The following MAP3K7 variants were observed in gnomAD, a reference collection of about 807,000 sequenced individuals.
MAP3K7 encodes the protein mitogen-activated protein kinase kinase kinase 7, also known as TGF-beta activated kinase 1.
Under a neutral mutation model 84.8 loss-of-function variants are expected in MAP3K7, and 21 were observed. The observed-to-expected ratio is 0.25, with a 90% confidence interval of 0.18 to 0.36. MAP3K7 has a LOEUF of 0.36. MAP3K7 is among the 10% of genes least tolerant of loss of function. MAP3K7 has a pLI of 1.00. For missense variants in MAP3K7, 503 were observed against 747.7 expected (o/e 0.67, Z 3.82); for synonymous variants, 241 against 247.7 (o/e 0.97, Z 0.25).
chr6:90,516,336 A>T lies in MAP3K7; in HGVS notation c.*165T>A, dbSNP rs1289165100. Reference sequence around the variant, plus strand: ...GAAACAGTAAAATTGTATGTCCACCATGAGAAAAGGAAAATAAACAATGAA... The same window carrying T: ...GAAACAGTAAAATTGTATGTCCACCTTGAGAAAAGGAAAATAAACAATGAA... On this transcript the variant is annotated 3_prime_UTR_variant, in exon 17 of 17. Transcript: ENST00000369329. The T allele has an allele frequency of 5.9e-6, 4 of 682,646 alleles. No homozygotes were observed. Among genetic ancestry groups the T allele is most frequent in the Non-Finnish European group, 7.5e-6 (3 of 400,616 alleles). The allele number at this position is 682,646 out of a possible 1,614,324, so 42.3% of individuals were successfully genotyped here. A position where few individuals can be genotyped will look rare whatever the true frequency, so the allele number is the denominator to read the frequency against.
intron 12 of MAP3K7, among the ~76,000 whole-genome samples, chr6:90,538,159 C>T (rs1343392478): frequency 6.6e-6 from 1 of 151,882 alleles, no homozygotes; most frequent in Non-Finnish European, 1.5e-5. Context: ...ATTAGCACAA[C>T]CATGGCAGAA....
chr6:90,532,756 G>A (rs1775549052), intron 13 of MAP3K7, among the ~76,000 whole-genome samples: 1 of 152,124 alleles, frequency 6.6e-6, no homozygotes, highest in Admixed American at 6.5e-5. Context: ...TGCAGTCATT[G>A]GTAGAAATTT....
At chr6:90,566,359 CAA>C (rs1376991154) in intron 3 of MAP3K7, among the ~76,000 whole-genome samples, 2 of 152,198 alleles carry the variant, frequency 1.3e-5, no homozygotes, top group African/African-American at 2.4e-5. Flanking sequence ...GCAACTTCAG[CAA>C]AGTCTCAGGA....
intron 5 of MAP3K7, among the ~76,000 whole-genome samples, chr6:90,557,237 C>CTAT (rs1413411224): frequency 1.3e-5 from 2 of 152,114 alleles, no homozygotes; most frequent in African/African-American, 4.8e-5. Context: ...CCTAGGTGTA[C>CTAT]TATTACCCAA....
chr6:90,544,190 G>A (rs1164170565), intron 12 of MAP3K7, among the ~76,000 whole-genome samples: 1 of 152,058 alleles, frequency 6.6e-6, no homozygotes, highest in African/African-American at 2.4e-5. Context: ...AAGGAGCCAA[G>A]GAAAATAACA....
Position 90,514,611 on chromosome 6 carries a change from C to T in MAP3K7, c.*1890G>A, listed in dbSNP as rs1774898715. 1 of 152,032 alleles carries T rather than the reference C, an allele frequency of 6.6e-6. No individual in the cohort carries two copies. The highest frequency in any genetic ancestry group is 2.1e-4 in the South Asian group (1 of 4,830). 9.4% of individuals were successfully genotyped at this position (152,032 alleles called of 1,614,324 possible). On this transcript the variant is annotated 3_prime_UTR_variant, in exon 17 of 17. Transcript: ENST00000369329. ...TGACTATAAATAAAATCTGAAATCT[C>T]GAATGCTAAATCCTAATGGAAACAT...
intron 14 of MAP3K7, among the ~76,000 whole-genome samples, chr6:90,519,946 T>G (rs886939998): frequency 6.6e-6 from 1 of 152,042 alleles, no homozygotes; most frequent in African/African-American, 2.4e-5. Context: ...TGGCTCAATG[T>G]CATGCCGAAA....
chr6:90,571,187 A>G (rs1776887711), intron 2 of MAP3K7, among the ~76,000 whole-genome samples: 1 of 152,160 alleles, frequency 6.6e-6, no homozygotes, highest in Admixed American at 6.5e-5. Context: ...GATAAATTTG[A>G]TAATATGCTA....
chr6:90,553,545 T>C lies in MAP3K7; in HGVS notation c.649A>G (p.Ile217Val), dbSNP rs1448649376. ...CGCGTTATCACTTCCCAAAGAATAATACCCCAGCTGAAGACGTCACATTTT... is the reference window on the plus strand; with the variant it reads ...CGCGTTATCACTTCCCAAAGAATAACACCCCAGCTGAAGACGTCACATTTT... ...SEKCDVFSWG[I>V]ILWEVITRRK... Residue 217 changes from isoleucine (I) to valine (V), a missense_variant, in exon 7 of 17, where the codon ATT (isoleucine) becomes GTT (valine). Coordinates refer to ENST00000369329, the MANE Select transcript of MAP3K7 (RefSeq NM_145331.3). 3.7e-6 allele frequency: 6 copies of C among 1,613,354 alleles called. No individual in the cohort carries two copies. Among genetic ancestry groups the C allele is most frequent in the African/African-American group, 1.3e-5 (1 of 74,726 alleles).
chr6:90,516,354 AC>A lies in MAP3K7; in HGVS notation c.*146del. ...GTCCACCATGAGAAAAGGAAAATAA[AC>A]AATGAAAAAAATGCAGCAAATATAG... On this transcript the variant is annotated 3_prime_UTR_variant, in exon 17 of 17. Transcript: ENST00000369329. 1.3e-6 allele frequency: 1 copy of A among 755,688 alleles called. No homozygotes were observed. The highest frequency in any genetic ancestry group is 1.7e-5 in the South Asian group (1 of 59,974). 46.8% of individuals were successfully genotyped at this position (755,688 alleles called of 1,614,324 possible).
Position 90,516,236 on chromosome 6 carries a change from C to T in MAP3K7, c.*265G>A. On this transcript the variant is annotated 3_prime_UTR_variant, in exon 17 of 17. Transcript: ENST00000369329. ...CACACAATGAGCATGCATATACAGCCACAGTTCACTGCATCTGTTTTGAAG... is the reference window on the plus strand; with the variant it reads ...CACACAATGAGCATGCATATACAGCTACAGTTCACTGCATCTGTTTTGAAG... 2.0e-6 allele frequency: 1 copy of T among 501,362 alleles called. No individual in the cohort carries two copies. The highest frequency in any genetic ancestry group is 2.3e-5 in the South Asian group (1 of 43,320). 31.1% of individuals were successfully genotyped at this position (501,362 alleles called of 1,614,324 possible). A position where few individuals can be genotyped will look rare whatever the true frequency, so the allele number is the denominator to read the frequency against.
intron 12 of MAP3K7, chr6:90,542,215 G>C: frequency 3.1e-6 from 3 of 981,680 alleles, no homozygotes; most frequent in Non-Finnish European, 3.6e-6. Context: ...CCCAAAGGAT[G>C]GGCGGTATTT....
Position 90,516,128 on chromosome 6 carries a change from G to A in MAP3K7, c.*373C>T, listed in dbSNP as rs746233141. 2.5e-5 allele frequency: 5 copies of A among 198,260 alleles called. No individual in the cohort carries two copies. Among genetic ancestry groups the A allele is most frequent in the East Asian group, 1.5e-4 (1 of 6,820 alleles). The allele number at this position is 198,260 out of a possible 1,614,324, so 12.3% of individuals were successfully genotyped here. A position where few individuals can be genotyped will look rare whatever the true frequency, so the allele number is the denominator to read the frequency against. ...GATACAAGAATAAAGTCATTCTTGA[G>A]GTTCCACCTCTAATATGAAAAAATG... is the stretch of plus-strand genomic sequence containing the variant. On this transcript the variant is annotated 3_prime_UTR_variant, in exon 17 of 17. Coordinates refer to ENST00000369329, the MANE Select transcript of MAP3K7 (RefSeq NM_145331.3).
Position 90,516,656 on chromosome 6 carries a change from G to GGACTTTGCA in MAP3K7, c.1665_1666insTGCAAAGTC (p.Asp555_Gln556insCysLysVal). The GGACTTTGCA allele has an allele frequency of 6.2e-7, 1 of 1,603,318 alleles. No individual in the cohort carries two copies. Among genetic ancestry groups the GGACTTTGCA allele is most frequent in the Non-Finnish European group, 8.5e-7 (1 of 1,176,704 alleles). ...GTATTTTGCTGGTCCTTTTCATCCT[G>GGACTTTGCA]GTCCAGTTCTGCAACTAGTTCTTGC... is the stretch of plus-strand genomic sequence containing the variant. On this transcript the variant is annotated inframe_insertion, in exon 17 of 17. Transcript: ENST00000369329.
chr6:90,584,586 T>C (rs1010353224), intron 1 of MAP3K7, among the ~76,000 whole-genome samples: 3 of 151,986 alleles, frequency 2.0e-5, no homozygotes, highest in African/African-American at 2.4e-5. Flanking sequence ...AGAAGCGAAA[T>C]AGCTTTAGGG....
chr6:90,579,145 T>C (rs1235890835), intron 1 of MAP3K7, among the ~76,000 whole-genome samples: 1 of 152,210 alleles, frequency 6.6e-6, no homozygotes, highest in African/African-American at 2.4e-5. Context: ...AGAAAAATGC[T>C]ACTCAAAGGC....
In MAP3K7 at chr6:90,515,977, C is replaced by T. The variant is rs972695022; in HGVS notation, c.*524G>A. On this transcript the variant is annotated 3_prime_UTR_variant, in exon 17 of 17. Coordinates refer to ENST00000369329, the MANE Select transcript of MAP3K7 (RefSeq NM_145331.3). ...GGATGCTGGCATCAAAGCCCTTACACGGAACTATCCCTAAAGGTTCCGTAT... is the reference window on the plus strand; with the variant it reads ...GGATGCTGGCATCAAAGCCCTTACATGGAACTATCCCTAAAGGTTCCGTAT... 6 of 156,478 alleles carry T rather than the reference C, an allele frequency of 3.8e-5. No homozygotes were observed. The highest frequency in any genetic ancestry group is 1.3e-4 in the Admixed American group (2 of 15,482). The allele number at this position is 156,478 out of a possible 1,614,324, so 9.7% of individuals were successfully genotyped here.
intron 1 of MAP3K7, among the ~76,000 whole-genome samples, chr6:90,576,340 G>A (rs938784904): frequency 1.4e-4 from 21 of 151,698 alleles, no homozygotes; most frequent in East Asian, 3.9e-4. Context: ...GGAGAATGGC[G>A]TGAACCTGAG....
At chr6:90,564,193 G>A (rs2127980840) in intron 3 of MAP3K7, among the ~76,000 whole-genome samples, 1 of 152,304 alleles carries the variant, frequency 6.6e-6, no homozygotes, top group East Asian at 1.9e-4. Context: ...ACATCATAAT[G>A]ACAGGATCAA....
Sources: allele counts gnomAD v4.1 joint callset (sites outside exome capture counted in the v4.1 genomes callset), GRCh38; gene constraint gnomAD v4.1.1; transcripts MANE v1.5; gene names NCBI Gene and HGNC (gene_info 2026-07-23, HGNC 2026-07-21).